GRIK2: variants seen among roughly 807,000 people sequenced by gnomAD.
GRIK2 encodes the protein glutamate receptor ionotropic, kainate 2.
GRIK2 carries 32 observed loss-of-function variants against 100.3 expected under a neutral mutation model. The observed-to-expected ratio is 0.32, with a 90% CI of 0.24 to 0.43. GRIK2 has a LOEUF of 0.43. GRIK2 is among the 20% of genes least tolerant of loss of function. GRIK2 has a pLI of 1.00. For synonymous variants in GRIK2, 417 were observed against 389.4 expected (o/e 1.07, Z -0.83); for missense variants, 843 against 1,114.9 (o/e 0.76, Z 3.47).
chr6:101,613,017 C>T (rs922056813), intron 2 of GRIK2, among the ~76,000 whole-genome samples: 2 of 151,652 alleles, frequency 1.3e-5, no homozygotes, highest in South Asian at 2.1e-4. Flanking sequence ...CAATGTTTCA[C>T]GTTATAAAAA....
At chr6:101,721,153 TTTAG>T (rs1386806421) in intron 7 of GRIK2, among the ~76,000 whole-genome samples, 1 of 152,078 alleles carries the variant, frequency 6.6e-6, no homozygotes, top group Non-Finnish European at 1.5e-5. Context: ...CTCAGGACAG[TTTAG>T]TTTATTGATT....
chr6:101,660,500 A>G (rs1160430598), intron 4 of GRIK2, among the ~76,000 whole-genome samples: 3 of 151,978 alleles, frequency 2.0e-5, no homozygotes, highest in African/African-American at 7.3e-5. Flanking sequence ...ATTCTCTTCC[A>G]GTTTTATTCC....
chr6:101,992,887 T>C (rs1794448629), intron 14 of GRIK2, among the ~76,000 whole-genome samples: 1 of 151,590 alleles, frequency 6.6e-6, no homozygotes. Flanking sequence ...AGATTTTAAA[T>C]GTGTGCAGAT....
intron 2 of GRIK2, among the ~76,000 whole-genome samples, chr6:101,422,866 A>T (rs1776480272): frequency 6.6e-6 from 1 of 152,200 alleles, no homozygotes. Flanking sequence ...GACATCACTT[A>T]GAACTCTGTG....
At chr6:101,852,079 A>G (rs964313961) in intron 10 of GRIK2, among the ~76,000 whole-genome samples, 1 of 152,072 alleles carries the variant, frequency 6.6e-6, no homozygotes, top group Non-Finnish European at 1.5e-5. Flanking sequence ...TAAAGCATTT[A>G]GAACAGGGTT....
At chr6:101,722,424 A>G (rs972749704) in intron 7 of GRIK2, among the ~76,000 whole-genome samples, 3 of 152,066 alleles carry the variant, frequency 2.0e-5, no homozygotes, top group Non-Finnish European at 4.4e-5. Context: ...TGTGCATTTG[A>G]ATCTACATGA....
intron 4 of GRIK2, among the ~76,000 whole-genome samples, chr6:101,648,215 T>C (rs534550577): frequency 7.2e-5 from 11 of 152,204 alleles, no homozygotes; most frequent in South Asian, 6.2e-4. Flanking sequence ...GAAACTACTA[T>C]AAATAGACTC....
chr6:101,541,701 A>T (rs956930980), intron 2 of GRIK2, among the ~76,000 whole-genome samples: 2 of 152,110 alleles, frequency 1.3e-5, no homozygotes. Context: ...TTAGAAGCTT[A>T]TGGAACCCCC....
chr6:101,498,052 G>T (rs994202966), intron 2 of GRIK2, among the ~76,000 whole-genome samples: 30 of 121,132 alleles, frequency 2.5e-4, no homozygotes, highest in Non-Finnish European at 1.6e-4. Flanking sequence ...AGAGTGTGAT[G>T]TTCCCCTTCC....
intron 12 of GRIK2, among the ~76,000 whole-genome samples, chr6:101,912,046 G>GCGCA (rs1554285104): frequency 1.4e-4 from 9 of 62,862 alleles, no homozygotes; most frequent in Admixed American, 9.9e-4. Context: ...CAGGGGCAAC[G>GCGCA]CACACACACA....
intron 15 of GRIK2, among the ~76,000 whole-genome samples, chr6:102,037,730 T>C (rs1770347809): frequency 6.6e-6 from 1 of 151,360 alleles, no homozygotes; most frequent in African/African-American, 2.4e-5. Flanking sequence ...TTATCGCCAG[T>C]AAGGCTTTGG....
rs1341509096 is a variant in GRIK2 at position 101,792,333 on chromosome 6, C to T, written c.952-7315C>T. Among the ~76,000 whole-genome samples the T allele has an allele frequency of 7.2e-5, 11 of 152,228 alleles. No individual in the cohort carries two copies. The South Asian group carries it at 2.1e-3, about 29-fold the overall frequency. ...GTCTTTACGTTTTGGCATGATTTTG[C>T]AGTGGCTGGTCCTGGTTGTTCCTTT... On this transcript the variant is annotated intron_variant, in intron 7 of 16. Coordinates refer to ENST00000369134, the MANE Select transcript of GRIK2 (RefSeq NM_021956.5).
intron 7 of GRIK2, among the ~76,000 whole-genome samples, chr6:101,764,133 C>G (rs905288438): frequency 6.6e-6 from 1 of 152,126 alleles, no homozygotes; most frequent in Non-Finnish European, 1.5e-5. Context: ...ACTTATATGT[C>G]AGAGAATCTC....
intron 12 of GRIK2, among the ~76,000 whole-genome samples, chr6:101,912,777 T>A (rs540509676): frequency 5.3e-5 from 8 of 151,694 alleles, no homozygotes; most frequent in African/African-American, 1.9e-4. Flanking sequence ...GTTCTTAATA[T>A]TTCTCTTTAT....
At chr6:101,909,720 GTT>G (rs1232156994) in intron 12 of GRIK2, among the ~76,000 whole-genome samples, 13 of 143,440 alleles carry the variant, frequency 9.1e-5, no homozygotes, top group South Asian at 4.1e-4. Context: ...GTGTAAGTGT[GTT>G]TCTGTATATC....
At chr6:101,795,569 C>T (rs1318090164) in intron 7 of GRIK2, among the ~76,000 whole-genome samples, 4 of 152,156 alleles carry the variant, frequency 2.6e-5, no homozygotes, top group African/African-American at 9.7e-5. Flanking sequence ...GTGGTGAATT[C>T]CTGGGCCCCT....
At chr6:101,546,864 TC>T (rs1776266906) in intron 2 of GRIK2, among the ~76,000 whole-genome samples, 1 of 118,970 alleles carries the variant, frequency 8.4e-6, no homozygotes, top group Non-Finnish European at 1.7e-5. Context: ...GGAGTCTCGC[TC>T]TGTCGCCCAG....
At chr6:101,639,605 T>C (rs1416298446) in intron 4 of GRIK2, among the ~76,000 whole-genome samples, 1 of 151,978 alleles carries the variant, frequency 6.6e-6, no homozygotes, top group African/African-American at 2.4e-5. Flanking sequence ...CATGCATACA[T>C]ACATACATAC....
In GRIK2 at chr6:101,641,386, C is replaced by A. The variant is rs531640585; in HGVS notation, c.541+14749C>A. On this transcript the variant is annotated intron_variant, in intron 4 of 16. Transcript: ENST00000369134. Reference sequence around the variant, plus strand: ...TTAAAGAAAGAAAATTAAGTCAGCTCTTAAAATCTTAACACTAACTTGTTA... The same window carrying A: ...TTAAAGAAAGAAAATTAAGTCAGCTATTAAAATCTTAACACTAACTTGTTA... 5.8e-4 allele frequency among the ~76,000 whole-genome samples: 88 copies of A among 151,956 alleles called. No homozygotes were observed. The South Asian group carries it at 7.7e-3, about 13-fold the overall frequency.
Sources: gnomAD v4.1 joint callset for allele counts (sites outside exome capture counted in the v4.1 genomes callset) on GRCh38, gnomAD v4.1.1 for gene constraint, MANE v1.5 for transcripts, NCBI Gene and HGNC (gene_info 2026-07-23, HGNC 2026-07-21) for gene names.